Variants in LDB2 observed in about 807,000 individuals in gnomAD.
LDB2 encodes the protein LIM domain-binding protein 2.
Under a neutral mutation model 44.3 loss-of-function variants are expected in LDB2, and 12 were observed. The observed-to-expected ratio is 0.27, with a 90% confidence interval of 0.17 to 0.44. The LOEUF (loss-of-function observed/expected upper bound fraction) is 0.44. Ranked by LOEUF, LDB2 falls within the 20% of genes least tolerant of loss-of-function variation. LDB2 has a pLI of 1.00. For synonymous variants in LDB2, 164 were observed against 174.8 expected (o/e 0.94, Z 0.49); for missense variants, 344 against 473.5 (o/e 0.73, Z 2.54).
rs1232201074 is a variant in LDB2, at chr4:16,563,155, A to G, written c.615+22767T>C. 2.6e-5 allele frequency among the ~76,000 whole-genome samples: 4 copies of G among 151,896 alleles called. No individual in the cohort carries two copies. The East Asian group carries it at 7.7e-4, about 29-fold the overall frequency. On this transcript the variant is annotated intron_variant, in intron 5 of 7. Transcript: ENST00000304523. ...TGGGTGCAGCACACCAGCATGGCAC[A>G]TGTATACATATGTAACTAACCTGCA...
At chr4:16,873,073 G>A (rs924782348) in intron 1 of LDB2, among the ~76,000 whole-genome samples, 2 of 152,130 alleles carry the variant, frequency 1.3e-5, no homozygotes, top group Admixed American at 6.5e-5. Context: ...TGCTGTGAAG[G>A]AGAATGGTGT....
At chr4:16,879,964 A>AGTGTAGCCACTTCTGCAC (rs1719575061) in intron 1 of LDB2, among the ~76,000 whole-genome samples, 1 of 152,138 alleles carries the variant, frequency 6.6e-6, no homozygotes, top group Non-Finnish European at 1.5e-5. Flanking sequence ...CACCTGCAGA[A>AGTGTAGCCACTTCTGCAC]ACTTTCCTGT....
At chr4:16,604,518 AAT>A (rs1389071418) in intron 2 of LDB2, among the ~76,000 whole-genome samples, 1 of 149,006 alleles carries the variant, frequency 6.7e-6, no homozygotes. Context: ...AACATGAGAA[AAT>A]ATATATATTT....
At chr4:16,613,671 A>T (rs974932999) in intron 2 of LDB2, among the ~76,000 whole-genome samples, 1 of 152,128 alleles carries the variant, frequency 6.6e-6, no homozygotes, top group African/African-American at 2.4e-5. Context: ...AGTCATAATC[A>T]CTACAAAGAG....
intron 1 of LDB2, among the ~76,000 whole-genome samples, chr4:16,806,387 G>T (rs1265729207): frequency 1.3e-5 from 2 of 152,160 alleles, no homozygotes; most frequent in Non-Finnish European, 2.9e-5. Flanking sequence ...CAGAGATCCA[G>T]CTCAGTGACT....
At position 16,638,933 on chromosome 4, in the gene LDB2, T is replaced by G. The variant is rs985370290; in HGVS notation, c.236-43058A>C. On this transcript the variant is annotated intron_variant, in intron 2 of 7. Coordinates refer to ENST00000304523, the MANE Select transcript of LDB2 (RefSeq NM_001290.5). Reference sequence around the variant, plus strand: ...TCGGTAAGATCCTTTTTTAATGCTCTGTTAAAATTAATTAAATATTAAGAG... The same window carrying G: ...TCGGTAAGATCCTTTTTTAATGCTCGGTTAAAATTAATTAAATATTAAGAG... Among the ~76,000 whole-genome samples, 42 of 152,216 alleles carry G rather than the reference T, an allele frequency of 2.8e-4. 2 individuals are homozygous for G. Among genetic ancestry groups the G allele is most frequent in the Admixed American group, 2.6e-3 (40 of 15,284 alleles).
At chr4:16,681,860 T>C (rs1018297961) in intron 2 of LDB2, among the ~76,000 whole-genome samples, 25 of 152,184 alleles carry the variant, frequency 1.6e-4, no homozygotes, top group Admixed American at 1.3e-3. Flanking sequence ...CGTGAGCGAC[T>C]GTGCCCGGCC....
intron 1 of LDB2, among the ~76,000 whole-genome samples, chr4:16,774,005 A>T (rs1771303332): frequency 6.6e-6 from 1 of 150,726 alleles, no homozygotes; most frequent in African/African-American, 2.4e-5. Flanking sequence ...ATACAAAAAA[A>T]ATAGCTGGGC....
In LDB2 at chr4:16,702,082, A is replaced by G. The variant is rs543375004; in HGVS notation, c.235+57076T>C. On this transcript the variant is annotated intron_variant, in intron 2 of 7. Coordinates refer to ENST00000304523, the MANE Select transcript of LDB2 (RefSeq NM_001290.5). ...AAAGAATTTATAGCTCAAGAGTTCC[A>G]TAATTCTTGCAACTCTAGAAATCTA... 1.2e-4 allele frequency among the ~76,000 whole-genome samples: 18 copies of G among 152,338 alleles called. No homozygotes were observed. In the South Asian group the frequency reaches 3.3e-3, roughly 28 times the overall value.
intron 6 of LDB2, 67 bp downstream of exon 6, chr4:16,511,914 A>G: frequency 6.6e-7 from 1 of 1,517,670 alleles, no homozygotes; most frequent in Non-Finnish European, 8.9e-7. Context: ...TCTTTTTCAC[A>G]TCACTTCATC....
chr4:16,708,651 A>G (rs1488630593), intron 2 of LDB2, among the ~76,000 whole-genome samples: 2 of 152,334 alleles, frequency 1.3e-5, no homozygotes, highest in South Asian at 2.1e-4. Flanking sequence ...TCTTGGGACC[A>G]GGTAGACATG....
At chr4:16,803,817 T>C (rs1778285400) in intron 1 of LDB2, among the ~76,000 whole-genome samples, 1 of 152,238 alleles carries the variant, frequency 6.6e-6, no homozygotes, top group African/African-American at 2.4e-5. Context: ...CTTAGCACAA[T>C]GTCAAGCACA....
chr4:16,690,538 G>T (rs1387820601), intron 2 of LDB2, among the ~76,000 whole-genome samples: 1 of 77,836 alleles, frequency 1.3e-5, no homozygotes, highest in Non-Finnish European at 2.7e-5. Flanking sequence ...GGGAGGGAGG[G>T]AGGTTGGGGA....
At chr4:16,577,304 A>G (rs1023596180) in intron 5 of LDB2, among the ~76,000 whole-genome samples, 4 of 152,200 alleles carry the variant, frequency 2.6e-5, no homozygotes, top group African/African-American at 7.2e-5. Context: ...TTGTTTGTCA[A>G]TAACATCTTA....
At chr4:16,504,350 A>G (rs1172753009) in intron 7 of LDB2, among the ~76,000 whole-genome samples, 2 of 152,092 alleles carry the variant, frequency 1.3e-5, no homozygotes, top group Non-Finnish European at 2.9e-5. Flanking sequence ...TCTGCTCCCC[A>G]CCATTCTTGA....
intron 1 of LDB2, among the ~76,000 whole-genome samples, chr4:16,886,565 A>G (rs1721747360): frequency 6.6e-6 from 1 of 152,208 alleles, no homozygotes; most frequent in Non-Finnish European, 1.5e-5. Flanking sequence ...ACATTTTTGT[A>G]TTTCACAAAT....
In LDB2 at chr4:16,569,752, G is replaced by T. The variant is rs192286905; in HGVS notation, c.615+16170C>A. ...CATGGTATTTATTATTTTATATGTGGTAGTTGTTAATATTTCTATTCTGTA... is the reference window on the plus strand; with the variant it reads ...CATGGTATTTATTATTTTATATGTGTTAGTTGTTAATATTTCTATTCTGTA... On this transcript the variant is annotated intron_variant, in intron 5 of 7. Coordinates refer to ENST00000304523, the MANE Select transcript of LDB2 (RefSeq NM_001290.5). 8.4e-4 allele frequency among the ~76,000 whole-genome samples: 128 copies of T among 152,200 alleles called. 1 individual carries two copies. In the East Asian group the frequency reaches 0.017, roughly 20 times the overall value.
intron 2 of LDB2, among the ~76,000 whole-genome samples, chr4:16,623,765 T>C (rs908955247): frequency 1.1e-4 from 16 of 146,804 alleles, no homozygotes; most frequent in Admixed American, 6.8e-4. Flanking sequence ...GAAATATACA[T>C]ACACACACAC....
At position 16,582,266 on chromosome 4, in the gene LDB2, A is replaced by T. The variant is rs769595370; in HGVS notation, c.615+3656T>A. Among the ~76,000 whole-genome samples, 24 of 152,212 alleles carry T rather than the reference A, an allele frequency of 1.6e-4. No homozygotes were observed. The highest frequency in any genetic ancestry group is 5.9e-5 in the Non-Finnish European group (4 of 68,028). ...TGTGTCAGAAATGCTTGTGAAATGA[A>T]CAATGAATAAATGGGCAAACAGGAT... On this transcript the variant is annotated intron_variant, in intron 5 of 7. Coordinates refer to ENST00000304523, the MANE Select transcript of LDB2 (RefSeq NM_001290.5). The surrounding 1 kb of genome is among the most constrained non-coding windows in gnomAD (Gnocchi z 4.8).
Sources: gnomAD v4.1 joint callset for allele counts (sites outside exome capture counted in the v4.1 genomes callset) on GRCh38, gnomAD v4.1.1 for gene constraint, Gnocchi (gnomAD v3.1) non-coding constraint, MANE v1.5 for transcripts, NCBI Gene and HGNC (gene_info 2026-07-23, HGNC 2026-07-21) for gene names.